The following PGAP4 variants were observed in gnomAD, a reference collection of about 807,000 sequenced individuals.
PGAP4 encodes the protein GPI-N-acetylgalactosamine transferase PGAP4.
PGAP4 carries 12 observed loss-of-function variants against 28.2 expected under a neutral mutation model. That is an observed-to-expected ratio of 0.42 (90% confidence interval 0.27 to 0.69). The LOEUF is 0.69. Among genes scored for constraint, PGAP4 ranks in the 30% least tolerant of loss-of-function variants. PGAP4 has a pLI of 0.22. For missense variants in PGAP4, 425 were observed against 513.5 expected (o/e 0.83, Z 1.67); for synonymous variants, 205 against 211.8 (o/e 0.97, Z 0.28).
chr9:101,500,597 T>TG (rs1289979436), intron 2 of PGAP4, among the ~76,000 whole-genome samples: 2 of 151,966 alleles, frequency 1.3e-5, no homozygotes, highest in African/African-American at 4.8e-5. Context: ...TAGATATCTT[T>TG]GGGGGTCATT....
chr9:101,528,596 G>C (rs1259094373), intron 2 of PGAP4, among the ~76,000 whole-genome samples: 30 of 152,082 alleles, frequency 2.0e-4, no homozygotes, highest in Admixed American at 2.0e-3. Flanking sequence ...GTTTCTAGTT[G>C]CACAGTAACA....
In PGAP4 at chr9:101,503,945, C is replaced by T. The variant is rs570769279; in HGVS notation, c.-164-14745G>A. Among the ~76,000 whole-genome samples, 8 of 152,036 alleles carry T rather than the reference C, an allele frequency of 5.3e-5. No homozygotes were observed. In the South Asian group the frequency reaches 1.7e-3, roughly 32 times the overall value. The stretch of plus-strand genomic sequence containing the variant: ...TTTTGGACTGAGCTCCTGCACTAGA[C>T]CCAAATGGATCAAACCAAAATGTAG... On this transcript the variant is annotated intron_variant, in intron 2 of 3. Transcript: ENST00000374851.
At chr9:101,481,255 G>A (rs1050590685) in intron 1 of PGAP4, 4 of 152,270 alleles carry the variant, frequency 2.6e-5, no homozygotes, top group African/African-American at 9.6e-5. Flanking sequence ...AAAAACATAG[G>A]ATTTTTCACT....
rs1826279301 is a variant in PGAP4, at chr9:101,475,729, C to G, written c.*152G>C. On this transcript the variant is annotated 3_prime_UTR_variant, in exon 2 of 2. Coordinates refer to ENST00000374848, the MANE Select transcript of PGAP4 (RefSeq NM_032342.3). ...CCAGGAGGCTACCAAAGCCAAGGCT[C>G]TTAACATATTGAGGTTCCTCAGCTG... 3.6e-6 allele frequency: 3 copies of G among 841,244 alleles called. No individual in the cohort carries two copies. Among genetic ancestry groups the G allele is most frequent in the Non-Finnish European group, 5.5e-6 (3 of 544,592 alleles). 52.1% of individuals were successfully genotyped at this position (841,244 alleles called of 1,614,324 possible). A position where few individuals can be genotyped will look rare whatever the true frequency, so the allele number is the denominator to read the frequency against.
Position 101,477,005 on chromosome 9 carries a change from G to A in PGAP4, c.88C>T (p.Leu30=), listed in dbSNP as rs942668426. The A allele has an allele frequency of 7.4e-6, 12 of 1,613,750 alleles. No individual in the cohort carries two copies. Among genetic ancestry groups the A allele is most frequent in the African/African-American group, 5.3e-5 (4 of 74,916 alleles). ...AGCAGGCCAAACGTCACCACTGTTA[G>A]GATGAAGAGCTGGACAGCAGTGCTG... ...WGSTAVQLFI[L]TVVTFGLLAP... is the part of the protein sequence containing the mutation. Residue 30 remains leucine (L), a synonymous_variant, in exon 2 of 2, where the codon CTA becomes TTA. Transcript: ENST00000374848.
intron 2 of PGAP4, among the ~76,000 whole-genome samples, chr9:101,526,595 A>G (rs1338702146): frequency 6.6e-6 from 1 of 152,062 alleles, no homozygotes; most frequent in Non-Finnish European, 1.5e-5. Context: ...GACTACAGGT[A>G]TGCGCCACCA....
intron 2 of PGAP4, chr9:101,501,531 A>G (rs1826798870): frequency 2.6e-6 from 1 of 391,150 alleles, no homozygotes; most frequent in Non-Finnish European, 5.0e-6. Context: ...AGATTACATC[A>G]ACATGATTTC....
At chr9:101,515,719 G>A (rs141274483) in intron 2 of PGAP4, among the ~76,000 whole-genome samples, 1 of 152,130 alleles carries the variant, frequency 6.6e-6, no homozygotes, top group Non-Finnish European at 1.5e-5. Flanking sequence ...TATTTATTTA[G>A]TATATTATGA....
intron 1 of PGAP4, among the ~76,000 whole-genome samples, chr9:101,532,385 T>A (rs1296925311): frequency 1.3e-5 from 2 of 152,198 alleles, no homozygotes; most frequent in Non-Finnish European, 2.9e-5. Context: ...GAGAAACTGA[T>A]AATTTGGATT....
intron 2 of PGAP4, among the ~76,000 whole-genome samples, chr9:101,529,168 T>C (rs1827063365): frequency 6.6e-6 from 1 of 151,520 alleles, no homozygotes; most frequent in Admixed American, 6.6e-5. Flanking sequence ...TTTTTTTTTT[T>C]TCTTGAAATG....
chr9:101,508,344 A>G (rs1019042633), intron 2 of PGAP4, among the ~76,000 whole-genome samples: 1 of 152,106 alleles, frequency 6.6e-6, no homozygotes, highest in South Asian at 2.1e-4. Flanking sequence ...GCGGTAGTTC[A>G]TAACTTCGGA....
chr9:101,500,609 G>A (rs1826788830), intron 2 of PGAP4, among the ~76,000 whole-genome samples: 1 of 151,638 alleles, frequency 6.6e-6, no homozygotes, highest in Non-Finnish European at 1.5e-5. Flanking sequence ...GGGGTCATTA[G>A]TCAGCCCACC....
chr9:101,507,907 C>T (rs79299348), intron 2 of PGAP4, among the ~76,000 whole-genome samples: 7 of 152,258 alleles, frequency 4.6e-5, no homozygotes, highest in East Asian at 1.9e-4. Flanking sequence ...TCAATTCTAG[C>T]TGTGTCCAAC....
intron 2 of PGAP4, among the ~76,000 whole-genome samples, chr9:101,493,995 A>G (rs1189029059): frequency 6.6e-6 from 1 of 152,074 alleles, no homozygotes; most frequent in Non-Finnish European, 1.5e-5. Context: ...TTAAAGAAAT[A>G]TAATTTTATT....
At chr9:101,481,889 C>T (rs539947747) in intron 1 of PGAP4, among the ~76,000 whole-genome samples, 57 of 152,256 alleles carry the variant, frequency 3.7e-4, no homozygotes, top group Non-Finnish European at 6.3e-4. Flanking sequence ...CCCACCTCTA[C>T]GGCCTCTTTT....
intron 2 of PGAP4, among the ~76,000 whole-genome samples, chr9:101,523,943 C>T (rs954658420): frequency 6.6e-6 from 1 of 151,766 alleles, no homozygotes; most frequent in Non-Finnish European, 1.5e-5. Flanking sequence ...TGATGTAGTA[C>T]TCTCCCCCTT....
Position 101,502,617 on chromosome 9 carries a change from A to G in PGAP4, c.-164-13417T>C, listed in dbSNP as rs527881043. 2.0e-5 allele frequency among the ~76,000 whole-genome samples: 3 copies of G among 152,178 alleles called. No individual in the cohort carries two copies. In the East Asian group the frequency reaches 5.8e-4, roughly 30 times the overall value. On this transcript the variant is annotated intron_variant, in intron 2 of 3. Transcript: ENST00000374851. ...GGATTAGGAAAACCATGAGGAGCCC[A>G]AAAGAAGAATACATTGTGTGCCTTT...
chr9:101,520,096 C>T (rs113775871), intron 2 of PGAP4, among the ~76,000 whole-genome samples: 23,347 of 152,156 alleles, frequency 0.15, 2,379 homozygotes, highest in East Asian at 0.36. Flanking sequence ...TGTACCAGTG[C>T]CGTGCTGTTT....
At chr9:101,492,688 G>A (rs533033971) in intron 2 of PGAP4, among the ~76,000 whole-genome samples, 1 of 151,990 alleles carries the variant, frequency 6.6e-6, no homozygotes, top group Non-Finnish European at 1.5e-5. Flanking sequence ...TACTATCTCT[G>A]TTGGTTTTTC....
Sources: allele counts gnomAD v4.1 joint callset (sites outside exome capture counted in the v4.1 genomes callset), GRCh38; gene constraint gnomAD v4.1.1; transcripts MANE v1.5; gene names NCBI Gene and HGNC (gene_info 2026-07-23, HGNC 2026-07-21).